Variants in MEI4 observed in about 807,000 individuals in gnomAD.
MEI4 encodes the protein meiosis-specific protein MEI4.
A neutral mutation model predicts 31.4 loss-of-function variants in MEI4; 27 were observed. The observed-to-expected ratio is 0.86, with a 90% CI of 0.63 to 1.19. MEI4 has a LOEUF of 1.19. Ranked by LOEUF, MEI4 falls within the 50% of genes most tolerant of loss-of-function variation. The pLI is 0.00. For missense variants in MEI4, 329 were observed against 398.9 expected, an observed-to-expected ratio of 0.82 and a Z score of 1.49; for synonymous variants, 122 against 145.4, an observed-to-expected ratio of 0.84 and a Z score of 1.16.
chr6:77,686,056 G>T (rs757536023), intron 1 of MEI4, among the ~76,000 whole-genome samples: 2 of 151,998 alleles, frequency 1.3e-5, no homozygotes, highest in Non-Finnish European at 2.9e-5. Flanking sequence ...AAGAGTCTGG[G>T]ACCTCCCTCC....
chr6:77,910,249 G>A (rs1396045757), intron 4 of MEI4, among the ~76,000 whole-genome samples: 1 of 152,110 alleles, frequency 6.6e-6, no homozygotes, highest in African/African-American at 2.4e-5. Flanking sequence ...ATTCAATTAG[G>A]AAAAGAGGAA....
At chr6:77,752,196 T>G (rs1310790558) in intron 2 of MEI4, among the ~76,000 whole-genome samples, 1 of 152,196 alleles carries the variant, frequency 6.6e-6, no homozygotes, top group East Asian at 1.9e-4. Flanking sequence ...GCATTCCCTT[T>G]GAAAATCCAC....
chr6:77,739,138 G>A (rs1313582100), intron 2 of MEI4, among the ~76,000 whole-genome samples: 5 of 152,008 alleles, frequency 3.3e-5, no homozygotes, highest in Non-Finnish European at 5.9e-5. Flanking sequence ...TGGTGTTTTG[G>A]TCATGAAGTC....
intron 1 of MEI4, among the ~76,000 whole-genome samples, chr6:77,660,824 G>T (rs1035801782): frequency 6.6e-6 from 1 of 152,234 alleles, no homozygotes; most frequent in Non-Finnish European, 1.5e-5. Context: ...CAGGCGGACG[G>T]CAGTCAGGGT....
At chr6:77,864,227 A>G (rs1057383330) in intron 4 of MEI4, among the ~76,000 whole-genome samples, 1 of 152,206 alleles carries the variant, frequency 6.6e-6, no homozygotes, top group Non-Finnish European at 1.5e-5. Flanking sequence ...TTCACATATA[A>G]AAACATTAAC....
intron 2 of MEI4, among the ~76,000 whole-genome samples, chr6:77,697,913 A>T (rs1213313039): frequency 6.6e-6 from 1 of 152,160 alleles, no homozygotes; most frequent in South Asian, 2.1e-4. Flanking sequence ...GTCTCTTTGT[A>T]GGTCACTCAG....
chr6:77,761,187 C>T lies in MEI4; in HGVS notation c.290C>T (p.Thr97Ile). 1 of 1,232,192 alleles carries T rather than the reference C, an allele frequency of 8.1e-7. No homozygotes were observed. 76.3% of individuals were successfully genotyped at this position (1,232,192 alleles called of 1,614,324 possible). Residue 97 changes from threonine to isoleucine, a missense_variant, in exon 3 of 5, where the codon ACT becomes ATT. By Grantham distance (89) the Thr-to-Ile change is moderately conservative. Transcript: ENST00000684080. ...CCTAAGAGTTCTGAAAGTACATTAA[C>T]TTCGATGGAAGATTCTGGATGTGAT... ...QEPKSSESTL[T>I]SMEDSGCDLS... is the part of the protein sequence containing the mutation.
chr6:77,859,062 CCT>C (rs1425149132), intron 4 of MEI4, among the ~76,000 whole-genome samples: 2 of 152,236 alleles, frequency 1.3e-5, no homozygotes, highest in East Asian at 1.9e-4. Flanking sequence ...GTGTTGTTCC[CCT>C]GTCTGTGACC....
chr6:77,828,784 T>G (rs1770014676), intron 3 of MEI4, 147 bp from the exon 4 acceptor site: 1 of 493,578 alleles, frequency 2.0e-6, no homozygotes, highest in Admixed American at 4.4e-5. Context: ...ATAATTTGTG[T>G]ATTTTATGGT....
chr6:77,882,158 T>C (rs186184023), intron 4 of MEI4, among the ~76,000 whole-genome samples: 51 of 152,278 alleles, frequency 3.3e-4, no homozygotes, highest in Non-Finnish European at 2.4e-4. Context: ...AATCAATATC[T>C]GCCAAATAAG....
At chr6:77,850,881 T>C (rs1170009023) in intron 4 of MEI4, among the ~76,000 whole-genome samples, 1 of 152,002 alleles carries the variant, frequency 6.6e-6, no homozygotes, top group Non-Finnish European at 1.5e-5. Flanking sequence ...TTCTGCAGTC[T>C]ACTCATCCGA....
chr6:77,716,541 G>A (rs773029911), intron 2 of MEI4, among the ~76,000 whole-genome samples: 7 of 152,110 alleles, frequency 4.6e-5, no homozygotes, highest in Non-Finnish European at 7.3e-5. Flanking sequence ...CAAGGGGTGA[G>A]GCTGAATGTG....
chr6:77,837,868 TCC>T (rs1341527487), intron 4 of MEI4, among the ~76,000 whole-genome samples: 2 of 152,152 alleles, frequency 1.3e-5, no homozygotes, highest in Non-Finnish European at 2.9e-5. Context: ...GTGCTTATTA[TCC>T]TTTATAACTA....
chr6:77,904,858 G>C (rs1766259165), intron 4 of MEI4, among the ~76,000 whole-genome samples: 1 of 151,940 alleles, frequency 6.6e-6, no homozygotes, highest in Non-Finnish European at 1.5e-5. Flanking sequence ...GTGTACCCTT[G>C]AACAGATTAT....
intron 3 of MEI4, among the ~76,000 whole-genome samples, chr6:77,799,650 C>T (rs140889199): frequency 3.3e-4 from 50 of 152,090 alleles, no homozygotes; most frequent in African/African-American, 1.2e-3. Flanking sequence ...GTCTTTAATC[C>T]GTCTTGAATT....
chr6:77,887,331 G>A (rs1033047050), intron 4 of MEI4, among the ~76,000 whole-genome samples: 16 of 150,116 alleles, frequency 1.1e-4, no homozygotes, highest in Non-Finnish European at 1.5e-4. Context: ...CACTTTTGTC[G>A]CCCAGGTTGG....
At position 77,707,777 on chromosome 6, in the gene MEI4, C is replaced by G. The variant is rs138603408; in HGVS notation, c.232+16874C>G. On this transcript the variant is annotated intron_variant, in intron 2 of 4. Transcript: ENST00000684080. ...CTGCATCCCTGCTACTACAGCTCCA[C>G]CTGTGGCTCAAAAGGCCCCAGATAC... Among the ~76,000 whole-genome samples the G allele has an allele frequency of 1.4e-3, 214 of 152,368 alleles. 1 individual carries two copies. Among genetic ancestry groups the G allele is most frequent in the African/African-American group, 4.5e-3 (188 of 41,590 alleles).
At chr6:77,870,731 C>T (rs1393076121) in intron 4 of MEI4, among the ~76,000 whole-genome samples, 1 of 152,048 alleles carries the variant, frequency 6.6e-6, no homozygotes, top group African/African-American at 2.4e-5. Context: ...TGGTTTTCAT[C>T]AGGTAGTTCC....
chr6:77,669,369 T>G (rs1768696292), intron 1 of MEI4, among the ~76,000 whole-genome samples: 1 of 152,198 alleles, frequency 6.6e-6, no homozygotes, highest in African/African-American at 2.4e-5. Flanking sequence ...TGATTTTTCT[T>G]TCATAAGTTT....
Sources: gnomAD v4.1 joint callset for allele counts (sites outside exome capture counted in the v4.1 genomes callset) on GRCh38, gnomAD v4.1.1 for gene constraint, MANE v1.5 for transcripts, NCBI Gene and HGNC (gene_info 2026-07-23, HGNC 2026-07-21) for gene names.